RBFOX2: variants seen among roughly 807,000 people sequenced by gnomAD.
The protein encoded by RBFOX2 is RNA binding protein fox-1 homolog 2.
Under a neutral mutation model 49.1 loss-of-function variants are expected in RBFOX2, and 10 were observed. That is an observed-to-expected ratio of 0.20 (90% confidence interval 0.13 to 0.35). The LOEUF (loss-of-function observed/expected upper bound fraction) is 0.35. Among genes scored for constraint, RBFOX2 ranks in the 10% least tolerant of loss-of-function variants. The probability of loss-of-function intolerance (pLI) is 1.00; values close to 1 mark genes in which losing one functional copy is unlikely to be tolerated. For missense variants in RBFOX2, 323 were observed against 486.9 expected, an observed-to-expected ratio of 0.66 and a Z score of 3.17; for synonymous variants, 183 against 187.4, an observed-to-expected ratio of 0.98 and a Z score of 0.19.
intron 1 of RBFOX2, among the ~76,000 whole-genome samples, chr22:35,904,915 T>C (rs1257869101): frequency 1.3e-5 from 2 of 152,228 alleles, no homozygotes; most frequent in African/African-American, 2.4e-5. Context: ...CACGTGAGGA[T>C]AGTGGCTATC....
intron 2 of RBFOX2, among the ~76,000 whole-genome samples, chr22:35,790,631 A>G (rs1947406663): frequency 6.6e-6 from 1 of 152,214 alleles, no homozygotes; most frequent in African/African-American, 2.4e-5. Flanking sequence ...TACTATAGCT[A>G]TGTAAGATGC....
rs575619812 is a variant in RBFOX2, at chr22:35,742,672, C to T, written c.*1523G>A. On this transcript the variant is annotated 3_prime_UTR_variant, in exon 12 of 12. Coordinates refer to ENST00000405409, the Ensembl canonical transcript of RBFOX2. ...AATGCTGTAGGACACTTGCTTTTAT[C>T]AGTTCTATCTAACAGCTAGAAGAGA... The T allele has an allele frequency of 3.3e-5, 5 of 152,698 alleles. No homozygotes were observed. In the East Asian group the frequency reaches 9.7e-4, roughly 29 times the overall value. 9.5% of individuals were successfully genotyped at this position (152,698 alleles called of 1,614,324 possible). A position where few individuals can be genotyped will look rare whatever the true frequency, so the allele number is the denominator to read the frequency against.
At chr22:35,757,678 C>T (rs1010852942) in intron 9 of RBFOX2, among the ~76,000 whole-genome samples, 5 of 152,124 alleles carry the variant, frequency 3.3e-5, no homozygotes, top group African/African-American at 7.2e-5. Context: ...TTGTATCACA[C>T]AAAAGGCAAA....
chr22:35,827,200 C>T (rs1412759621), intron 1 of RBFOX2, among the ~76,000 whole-genome samples: 2 of 152,190 alleles, frequency 1.3e-5, no homozygotes, highest in Non-Finnish European at 2.9e-5. Flanking sequence ...TAAGGTTCCA[C>T]CAAGTTTGCA....
At chr22:35,777,964 T>C in intron 4 of RBFOX2, 61 bp downstream of exon 5, 1 of 1,473,570 alleles carries the variant, frequency 6.8e-7, no homozygotes, top group Middle Eastern at 1.8e-4. Context: ...ATACTTGCTA[T>C]TTAAAATAAC....
chr22:35,999,661 G>A (rs1054641113), intron 1 of RBFOX2: 2 of 152,062 alleles, frequency 1.3e-5, no homozygotes, highest in Non-Finnish European at 2.9e-5. Flanking sequence ...TAGACTAAAA[G>A]CTACAAAACG....
intron 1 of RBFOX2, among the ~76,000 whole-genome samples, chr22:35,862,783 T>A (rs1417521852): frequency 2.6e-5 from 4 of 152,202 alleles, no homozygotes; most frequent in Non-Finnish European, 5.9e-5. Context: ...CCTCTCTGCC[T>A]CAAGTTCTTC....
At chr22:35,884,423 C>T (rs549988741) in intron 1 of RBFOX2, among the ~76,000 whole-genome samples, 13 of 152,162 alleles carry the variant, frequency 8.5e-5, no homozygotes, top group Non-Finnish European at 1.6e-4. Context: ...CAGGGACTCT[C>T]ACAAGGCTGC....
chr22:35,956,759 A>G (rs2055607420), intron 1 of RBFOX2, among the ~76,000 whole-genome samples: 2 of 152,198 alleles, frequency 1.3e-5, no homozygotes, highest in Admixed American at 1.3e-4. Flanking sequence ...TGGCAACTCA[A>G]TCACAGAAGC....
At chr22:36,013,696 C>G (rs1053249875) in intron 1 of RBFOX2, among the ~76,000 whole-genome samples, 1 of 150,070 alleles carries the variant, frequency 6.7e-6, no homozygotes, top group Non-Finnish European at 1.5e-5. Context: ...TTTAATAGAC[C>G]TTTTTACATT....
chr22:35,743,514 T>C (rs1426912991), exon 12 of RBFOX2: 2 of 152,232 alleles, frequency 1.3e-5, no homozygotes, highest in Admixed American at 6.5e-5. Context: ...TTTGGAAATA[T>C]CAATACTATA....
intron 2 of RBFOX2, among the ~76,000 whole-genome samples, chr22:35,800,830 T>C (rs1949649267): frequency 6.6e-6 from 1 of 152,222 alleles, no homozygotes; most frequent in Non-Finnish European, 1.5e-5. Context: ...CAAAAGTCAA[T>C]TTAAAAATCA....
At chr22:35,840,614 G>A (rs988011264), upstream of RBFOX2, 56 of 1,083,712 alleles carry the variant, frequency 5.2e-5, no homozygotes, top group Non-Finnish European at 6.1e-5. Flanking sequence ...CTGTGCGCAC[G>A]CGTGTGTGCG....
intron 1 of RBFOX2, among the ~76,000 whole-genome samples, chr22:35,977,439 A>C (rs2057227529): frequency 6.6e-6 from 1 of 152,178 alleles, no homozygotes; most frequent in Admixed American, 6.5e-5. Flanking sequence ...ACTAAGTGAA[A>C]GAAGCCATAC....
intron 2 of RBFOX2, among the ~76,000 whole-genome samples, chr22:35,804,692 AAAC>A (rs1430227987): frequency 2.0e-5 from 3 of 152,182 alleles, no homozygotes; most frequent in African/African-American, 7.2e-5. Flanking sequence ...ACACATAAAA[AAAC>A]AACATTCCCA....
At chr22:35,888,073 T>C (rs1450620338) in intron 1 of RBFOX2, among the ~76,000 whole-genome samples, 1 of 152,188 alleles carries the variant, frequency 6.6e-6, no homozygotes, top group African/African-American at 2.4e-5. Flanking sequence ...TTAATTTCCT[T>C]GTCCTCTTTT....
intron 1 of RBFOX2, among the ~76,000 whole-genome samples, chr22:35,875,800 A>G (rs961284412): frequency 6.6e-6 from 1 of 152,114 alleles, no homozygotes; most frequent in African/African-American, 2.4e-5. Flanking sequence ...TAGCCATCAC[A>G]TATTAAACTT....
intron 1 of RBFOX2, among the ~76,000 whole-genome samples, chr22:35,901,962 C>T (rs914567607): frequency 6.6e-6 from 1 of 152,022 alleles, no homozygotes; most frequent in Admixed American, 6.6e-5. Context: ...CATCTGTAGT[C>T]TCAGCTACTC....
At chr22:35,955,412 G>C (rs932122304) in intron 1 of RBFOX2, among the ~76,000 whole-genome samples, 2 of 152,062 alleles carry the variant, frequency 1.3e-5, no homozygotes, top group African/African-American at 4.8e-5. Context: ...GGTTTAGTTT[G>C]TAAACTAAAC....
Sources: allele counts gnomAD v4.1 joint callset (sites outside exome capture counted in the v4.1 genomes callset), GRCh38; gene constraint gnomAD v4.1.1; transcripts MANE v1.5; gene names NCBI Gene and HGNC (gene_info 2026-07-23, HGNC 2026-07-21).